The following PGBD5 variants were observed in gnomAD, a reference collection of about 807,000 sequenced individuals.
PGBD5 encodes the protein piggyBac transposable element-derived protein 5.
A neutral mutation model predicts 47.9 loss-of-function variants in PGBD5; 14 were observed. The ratio of observed to expected loss-of-function variants is 0.29; its 90% CI spans 0.19 to 0.46. PGBD5 has a LOEUF of 0.46. Among genes scored for constraint, PGBD5 ranks in the 20% least tolerant of loss-of-function variants. The pLI is 1.00. For missense variants in PGBD5, 635 were observed against 716.0 expected (o/e 0.89, Z 1.29); for synonymous variants, 316 against 306.3 (o/e 1.03, Z -0.33).
rs527323292 is a variant in PGBD5 at position 230,339,683 on chromosome 1, G to C, written c.895-2395C>G. Among the ~76,000 whole-genome samples, 12 of 152,334 alleles carry C rather than the reference G, an allele frequency of 7.9e-5. No individual in the cohort carries two copies. The South Asian group carries it at 2.3e-3, about 29-fold the overall frequency. On this transcript the variant is annotated intron_variant, in intron 3 of 6. Coordinates refer to ENST00000391860, the MANE Select transcript of PGBD5 (RefSeq NM_001258311.2). Reference sequence around the variant, plus strand: ...GAAATACTATTCAGCCTTTAAAAAGGAGGAAGTCTTGCCATCTGCAACAAC... The same window carrying C: ...GAAATACTATTCAGCCTTTAAAAAGCAGGAAGTCTTGCCATCTGCAACAAC...
intron 1 of PGBD5, among the ~76,000 whole-genome samples, chr1:230,422,418 G>A (rs900886504): frequency 2.6e-5 from 4 of 152,152 alleles, no homozygotes; most frequent in Non-Finnish European, 5.9e-5. Context: ...GGGCAGGCAG[G>A]CTGACAGCTT....
chr1:230,399,438 T>A (rs369047502), intron 1 of PGBD5, among the ~76,000 whole-genome samples: 2 of 152,168 alleles, frequency 1.3e-5, no homozygotes, highest in East Asian at 3.9e-4. Context: ...AGGAGGGGGC[T>A]ACCTGCAGAC....
chr1:230,422,101 T>TAC (rs1657660859), intron 1 of PGBD5, among the ~76,000 whole-genome samples: 1 of 151,678 alleles, frequency 6.6e-6, no homozygotes, highest in African/African-American at 2.4e-5. Flanking sequence ...AACACACACA[T>TAC]ACACACACAC....
At chr1:230,325,633 G>A (rs988842514) in intron 5 of PGBD5, among the ~76,000 whole-genome samples, 24 of 152,156 alleles carry the variant, frequency 1.6e-4, no homozygotes, top group African/African-American at 5.6e-4. Context: ...CATGGTATGC[G>A]CTGGCCCAGA....
Position 230,316,254 on chromosome 1 carries a change from T to A in PGBD5, c.*7171A>T, listed in dbSNP as rs1338766125. 1 of 153,174 alleles carries A rather than the reference T, an allele frequency of 6.5e-6. No individual in the cohort carries two copies. Among genetic ancestry groups the A allele is most frequent in the African/African-American group, 2.4e-5 (1 of 41,442 alleles). The allele number at this position is 153,174 out of a possible 1,614,324, so 9.5% of individuals were successfully genotyped here. On this transcript the variant is annotated 3_prime_UTR_variant, in exon 7 of 7. Coordinates refer to ENST00000391860, the MANE Select transcript of PGBD5 (RefSeq NM_001258311.2). The stretch of plus-strand genomic sequence containing the variant: ...TACGTACATATGTGTATATATGTAT[T>A]AAGTGGACATTGTACTTCTGATGTG...
rs1198079159 is a variant in PGBD5, at chr1:230,322,448, T to C, written c.*977A>G. 6.6e-6 allele frequency: 1 copy of C among 152,336 alleles called. No homozygotes were observed. The highest frequency in any genetic ancestry group is 2.4e-5 in the African/African-American group (1 of 41,470). 9.4% of individuals were successfully genotyped at this position (152,336 alleles called of 1,614,324 possible). ...ATGGCCATCGTAGAGAATTCGGTTG[T>C]GTGTTTCAGCAATGCTACTTATTTT... On this transcript the variant is annotated 3_prime_UTR_variant, in exon 7 of 7. Coordinates refer to ENST00000391860, the MANE Select transcript of PGBD5 (RefSeq NM_001258311.2). The surrounding 1 kb of genome is among the most constrained non-coding windows in gnomAD (Gnocchi z 5.9).
At chr1:230,332,710 G>A (rs1667239338) in intron 5 of PGBD5, 134 bp downstream of exon 5, 4 of 1,030,102 alleles carry the variant, frequency 3.9e-6, no homozygotes, top group South Asian at 3.1e-5. Flanking sequence ...CAGATGCTGG[G>A]GAATAACCGA....
rs1666946747 is a variant in PGBD5, at chr1:230,316,177, C to CATACATAT, written c.*7247_*7248insATATGTAT. 1.4e-5 allele frequency: 1 copy of CATACATAT among 70,110 alleles called. No individual in the cohort carries two copies. Among genetic ancestry groups the CATACATAT allele is most frequent in the African/African-American group, 4.6e-5 (1 of 21,712 alleles). 4.3% of individuals were successfully genotyped at this position (70,110 alleles called of 1,614,324 possible). A position where few individuals can be genotyped will look rare whatever the true frequency, so the allele number is the denominator to read the frequency against. On this transcript the variant is annotated 3_prime_UTR_variant, in exon 7 of 7. Coordinates refer to ENST00000391860, the MANE Select transcript of PGBD5 (RefSeq NM_001258311.2). ...ATATATGTATGTGTATACATACATA[C>CATACATAT]GTACACATGTGCATGTGTATACATA...
chr1:230,425,842 C>G lies in PGBD5; in HGVS notation c.87G>C (p.Ser29=), dbSNP rs1657769103. 8.3e-7 allele frequency: 1 copy of G among 1,202,822 alleles called. No individual in the cohort carries two copies. The highest frequency in any genetic ancestry group is 1.0e-6 in the Non-Finnish European group (1 of 969,592). The allele number at this position is 1,202,822 out of a possible 1,614,324, so 74.5% of individuals were successfully genotyped here. ...ARARYESLHI[S]DDVFGESGPD... is the part of the protein sequence containing the mutation. ...GGCCGGACTCGCCGAACACGTCGTC[C>G]GAGATGTGCAGGCTCTCGTAGCGCG... Residue 29 remains serine, a synonymous_variant, in exon 1 of 7, where the codon TCG becomes TCC. Transcript: ENST00000391860. This position sits in a 1 kb window ranked among gnomAD's most constrained non-coding sequence, Gnocchi z 4.7.
chr1:230,356,871 C>T (rs1354563505), intron 2 of PGBD5, 23 bp downstream of exon 2: 3 of 1,604,710 alleles, frequency 1.9e-6, no homozygotes, highest in Non-Finnish European at 2.6e-6. Flanking sequence ...TGGACAAGCT[C>T]TTACGTCCTG....
intron 1 of PGBD5, among the ~76,000 whole-genome samples, chr1:230,399,581 C>G (rs560669245): frequency 1.3e-5 from 2 of 152,190 alleles, no homozygotes; most frequent in Non-Finnish European, 2.9e-5. Flanking sequence ...TCATGGACCA[C>G]GTAGAGCCAG....
intron 1 of PGBD5, among the ~76,000 whole-genome samples, chr1:230,359,656 T>C (rs534590992): frequency 4.6e-5 from 7 of 152,302 alleles, no homozygotes; most frequent in African/African-American, 7.2e-5. Flanking sequence ...CTTTGAAAGG[T>C]TGTCATGCAG....
chr1:230,367,167 A>C (rs1667849031), intron 1 of PGBD5, among the ~76,000 whole-genome samples: 1 of 152,020 alleles, frequency 6.6e-6, no homozygotes, highest in Non-Finnish European at 1.5e-5. Context: ...AGTCGCAATC[A>C]AATTGGGTCC....
intron 2 of PGBD5, 108 bp downstream of exon 2, chr1:230,356,786 G>A: frequency 8.3e-7 from 1 of 1,198,154 alleles, no homozygotes; most frequent in Non-Finnish European, 1.2e-6. Flanking sequence ...AGTGAACTCA[G>A]AGGGCAGGCA....
intron 5 of PGBD5, among the ~76,000 whole-genome samples, chr1:230,327,027 T>C (rs1190183101): frequency 6.6e-6 from 1 of 152,114 alleles, no homozygotes; most frequent in Non-Finnish European, 1.5e-5. Flanking sequence ...GCCAAGCCAC[T>C]GCTGGTCATT....
At chr1:230,393,510 C>T (rs1017540362) in intron 1 of PGBD5, among the ~76,000 whole-genome samples, 1 of 152,088 alleles carries the variant, frequency 6.6e-6, no homozygotes, top group Non-Finnish European at 1.5e-5. Context: ...CCAATCTTAG[C>T]GCCTGCTTTA....
intron 2 of PGBD5, among the ~76,000 whole-genome samples, chr1:230,355,525 T>G (rs11122499): frequency 0.13 from 19,402 of 152,226 alleles, 3,908 homozygotes; most frequent in African/African-American, 0.43. Flanking sequence ...AAGCAAGTAT[T>G]TAGTGAAAGA....
At chr1:230,383,069 T>C (rs1298622527) in intron 1 of PGBD5, among the ~76,000 whole-genome samples, 1 of 152,138 alleles carries the variant, frequency 6.6e-6, no homozygotes, top group African/African-American at 2.4e-5. Context: ...TATGTACATG[T>C]GTATGTATGT....
intron 3 of PGBD5, among the ~76,000 whole-genome samples, chr1:230,348,401 G>A (rs558491810): frequency 2.0e-5 from 3 of 152,318 alleles, no homozygotes; most frequent in East Asian, 3.9e-4. Context: ...TGAGGCCCAG[G>A]GGAGAAGCCA....
Sources: allele counts gnomAD v4.1 joint callset (sites outside exome capture counted in the v4.1 genomes callset), GRCh38; gene constraint gnomAD v4.1.1; non-coding constraint Gnocchi (gnomAD v3.1); transcripts MANE v1.5; gene names NCBI Gene and HGNC (gene_info 2026-07-23, HGNC 2026-07-21).